ZFYVE9: variants seen among roughly 807,000 people sequenced by gnomAD.
ZFYVE9 encodes the protein zinc finger FYVE domain-containing protein 9.
ZFYVE9 carries 43 observed loss-of-function variants against 126.7 expected under a neutral mutation model. The ratio of observed to expected loss-of-function variants is 0.34; its 90% CI spans 0.27 to 0.44. The LOEUF is 0.44. Ranked by LOEUF, ZFYVE9 falls within the 20% of genes least tolerant of loss-of-function variation. The probability of loss-of-function intolerance (pLI) is 1.00; values close to 1 mark genes in which losing one functional copy is unlikely to be tolerated. For missense variants in ZFYVE9, 1,476 were observed against 1,697.0 expected (o/e 0.87, Z 2.29); for synonymous variants, 521 against 597.4 (o/e 0.87, Z 1.87).
At position 52,337,876 on chromosome 1, in the gene ZFYVE9, G is replaced by C; in HGVS notation, c.3775G>C (p.Glu1259Gln). 6.2e-7 allele frequency: 1 copy of C among 1,614,210 alleles called. No homozygotes were observed. The highest frequency in any genetic ancestry group is 8.5e-7 in the Non-Finnish European group (1 of 1,180,044). The change falls in exon 16 of 19, where the codon GAA becomes CAA. Residue 1259 changes from glutamate (E) to glutamine (Q), a missense_variant. Physicochemically the swap from Glu to Gln is conservative, Grantham distance 29. Coordinates refer to ENST00000287727, the MANE Select transcript of ZFYVE9 (RefSeq NM_004799.4). ...CACCTGTGGGAAGGCGGACGCGGAG[G>C]AACCCCAGGAGCACATCCACATCCA... Reference protein sequence around the residue: ...TITCGKADAEEPQEHIHIQWV... With the variant: ...TITCGKADAEQPQEHIHIQWV...
chr1:52,248,315 A>G (rs893125076), intron 4 of ZFYVE9, among the ~76,000 whole-genome samples: 1 of 152,226 alleles, frequency 6.6e-6, no homozygotes, highest in Non-Finnish European at 1.5e-5. Context: ...AGGAGAGGAT[A>G]TAAGCATCTG....
intron 1 of ZFYVE9, among the ~76,000 whole-genome samples, chr1:52,168,516 CT>C (rs1226422869): frequency 9.8e-5 from 14 of 143,342 alleles, no homozygotes; most frequent in Non-Finnish European, 1.2e-4. Context: ...TGTGCTTGGC[CT>C]TTTTTTTTTT....
chr1:52,346,345 G>A lies in ZFYVE9; in HGVS notation c.*124G>A, dbSNP rs534754614. ...CACTATTAATGGGGTGGGGAATAGG[G>A]TGGGAGTGGGGGTTTGGGAGACGGG... On this transcript the variant is annotated 3_prime_UTR_variant, in exon 19 of 19. Transcript: ENST00000287727. 10 of 897,694 alleles carry A rather than the reference G, an allele frequency of 1.1e-5. No homozygotes were observed. The East Asian group carries it at 2.8e-4, about 25-fold the overall frequency. The allele number at this position is 897,694 out of a possible 1,614,324, so 55.6% of individuals were successfully genotyped here. A position where few individuals can be genotyped will look rare whatever the true frequency, so the allele number is the denominator to read the frequency against.
chr1:52,150,854 T>C (rs72892187), intron 1 of ZFYVE9, among the ~76,000 whole-genome samples: 8,225 of 152,116 alleles, frequency 0.054, 764 homozygotes, highest in African/African-American at 0.19. Context: ...ATACAAACTT[T>C]AATCTCCATT....
intron 1 of ZFYVE9, among the ~76,000 whole-genome samples, chr1:52,207,290 C>A (rs1043862242): frequency 6.6e-6 from 1 of 152,174 alleles, no homozygotes; most frequent in Non-Finnish European, 1.5e-5. Flanking sequence ...GCTGTTCTAG[C>A]GATTTCAATG....
chr1:52,185,512 C>A (rs1451441904), intron 1 of ZFYVE9, among the ~76,000 whole-genome samples: 1 of 151,862 alleles, frequency 6.6e-6, no homozygotes, highest in African/African-American at 2.4e-5. Flanking sequence ...AGTATTAGTC[C>A]CTAATTAATA....
chr1:52,257,620 TG>T (rs1645534491), intron 4 of ZFYVE9, among the ~76,000 whole-genome samples: 1 of 152,250 alleles, frequency 6.6e-6, no homozygotes, highest in Non-Finnish European at 1.5e-5. Context: ...AATGTGTTGT[TG>T]CAAAAGTTGA....
At chr1:52,208,502 CT>C (rs113585987) in intron 1 of ZFYVE9, among the ~76,000 whole-genome samples, 18,266 of 139,216 alleles carry the variant, frequency 0.13, 1,479 homozygotes, top group African/African-American at 0.26. Context: ...AATTGTTCTT[CT>C]TTTTTTTTTT....
At chr1:52,336,252 A>G (rs924248443) in intron 15 of ZFYVE9, among the ~76,000 whole-genome samples, 2 of 152,152 alleles carry the variant, frequency 1.3e-5, no homozygotes, top group African/African-American at 4.8e-5. Context: ...AATTTAATAA[A>G]ACAGTGAGTG....
At chr1:52,344,520 G>T (rs1646467227) in intron 17 of ZFYVE9, among the ~76,000 whole-genome samples, 1 of 152,176 alleles carries the variant, frequency 6.6e-6, no homozygotes, top group Non-Finnish European at 1.5e-5. Context: ...AACCATGGAG[G>T]CTTGCAGGGA....
chr1:52,203,053 G>A (rs889897779), intron 1 of ZFYVE9, among the ~76,000 whole-genome samples: 2 of 151,998 alleles, frequency 1.3e-5, no homozygotes. Flanking sequence ...AGATTTTTAG[G>A]TTGGTCTTTT....
At chr1:52,285,244 C>A (rs940661492) in intron 10 of ZFYVE9, among the ~76,000 whole-genome samples, 15 of 151,950 alleles carry the variant, frequency 9.9e-5, no homozygotes, top group Non-Finnish European at 4.4e-5. Context: ...TTATTAAGAA[C>A]CTTATTTTTA....
chr1:52,312,154 A>C (rs1158308375), intron 13 of ZFYVE9, among the ~76,000 whole-genome samples: 8 of 152,190 alleles, frequency 5.3e-5, no homozygotes, highest in Non-Finnish European at 7.3e-5. Context: ...TGTAGGATGT[A>C]TCTAACTTCC....
intron 4 of ZFYVE9, among the ~76,000 whole-genome samples, chr1:52,239,948 T>C (rs545770115): frequency 1.3e-5 from 2 of 152,232 alleles, no homozygotes; most frequent in East Asian, 1.9e-4. Flanking sequence ...CATTAACTTA[T>C]TGCATTATTT....
chr1:52,245,090 A>G (rs1645370986), intron 4 of ZFYVE9, among the ~76,000 whole-genome samples: 1 of 151,944 alleles, frequency 6.6e-6, no homozygotes, highest in African/African-American at 2.4e-5. Context: ...CCCAGGAGGC[A>G]GAGGTTGCAG....
intron 4 of ZFYVE9, among the ~76,000 whole-genome samples, chr1:52,240,864 G>A (rs1459860167): frequency 6.6e-6 from 1 of 152,082 alleles, no homozygotes; most frequent in Non-Finnish European, 1.5e-5. Flanking sequence ...AGGGGACTGG[G>A]ATTATCTAAT....
At chr1:52,257,696 TTAA>T (rs1645535407) in intron 4 of ZFYVE9, among the ~76,000 whole-genome samples, 1 of 152,220 alleles carries the variant, frequency 6.6e-6, no homozygotes, top group African/African-American at 2.4e-5. Flanking sequence ...AAAGTTTACA[TTAA>T]TGTTTGTTTC....
At chr1:52,210,500 C>G (rs1404255496) in intron 1 of ZFYVE9, among the ~76,000 whole-genome samples, 2 of 152,144 alleles carry the variant, frequency 1.3e-5, no homozygotes, top group Non-Finnish European at 2.9e-5. Flanking sequence ...TTATTCTTCT[C>G]TTTAAAATGT....
intron 6 of ZFYVE9, 25 bp from the exon 7 acceptor site, chr1:52,268,438 T>G: frequency 6.2e-7 from 1 of 1,603,030 alleles, no homozygotes; most frequent in Non-Finnish European, 8.5e-7. Flanking sequence ...CATTGATGCC[T>G]GTTTTATTTT....
Sources: allele counts gnomAD v4.1 joint callset (sites outside exome capture counted in the v4.1 genomes callset), GRCh38; gene constraint gnomAD v4.1.1; transcripts MANE v1.5; gene names NCBI Gene and HGNC (gene_info 2026-07-23, HGNC 2026-07-21).